The following POMT1 variants were observed in gnomAD, a reference collection of about 807,000 sequenced individuals.
POMT1 encodes the protein protein O-mannosyl-transferase 1.
POMT1 carries 85 observed loss-of-function variants against 101.6 expected under a neutral mutation model. The ratio of observed to expected loss-of-function variants is 0.84; its 90% CI spans 0.70 to 1.00. The LOEUF (loss-of-function observed/expected upper bound fraction) is 1.00. Ranked by LOEUF, POMT1 falls within the 50% of genes least tolerant of loss-of-function variation. POMT1 has a pLI of 0.00. For synonymous variants in POMT1, 371 were observed against 383.0 expected, an observed-to-expected ratio of 0.97 and a Z score of 0.37; for missense variants, 857 against 930.4, an observed-to-expected ratio of 0.92 and a Z score of 1.03.
At position 131,504,247 on chromosome 9, in the gene POMT1, T is replaced by G; in HGVS notation, c.29T>G (p.Val10Gly). 6.2e-7 allele frequency: 1 copy of G among 1,614,106 alleles called. No homozygotes were observed. Among genetic ancestry groups the G allele is most frequent in the Non-Finnish European group, 8.5e-7 (1 of 1,180,010 alleles). The stretch of plus-strand genomic sequence containing the variant: ...TGGGGATTTTTGAAGCGCCCTGTAG[T>G]GGTGACGGCTGACATCAACTTGAGC... MWGFLKRPV[V>G]VTADINLSLV... The change falls in exon 2 of 20, where the codon GTG (valine) becomes GGG (glycine). Residue 10 changes from valine (V) to glycine (G), a missense_variant. Val to Gly is a moderately radical substitution (Grantham distance 109). Coordinates refer to ENST00000402686, the MANE Select transcript of POMT1 (RefSeq NM_001077365.2).
chr9:131,520,426 C>T lies in POMT1; in HGVS notation c.1698+233C>T, dbSNP rs62580581. Reference sequence around the variant, plus strand: ...CCCGGCTTGATTGCTTTTGTGGAGACACATTGTTCCCCTTTTCCTGGCGAA... The same window carrying T: ...CCCGGCTTGATTGCTTTTGTGGAGATACATTGTTCCCCTTTTCCTGGCGAA... On this transcript the variant is annotated intron_variant, in intron 17 of 19. Transcript: ENST00000402686. Among the ~76,000 whole-genome samples, 17,093 of 152,208 alleles carry T rather than the reference C, an allele frequency of 0.11. 1,187 individuals carry two copies. The highest frequency in any genetic ancestry group is 0.15 in the Non-Finnish European group (9,998 of 68,004).
rs916675724 is a variant in POMT1 at position 131,519,824 on chromosome 9, C to G, written c.1585-256C>G. Among the ~76,000 whole-genome samples, 2 of 152,146 alleles carry G rather than the reference C, an allele frequency of 1.3e-5. No homozygotes were observed. Among genetic ancestry groups the G allele is most frequent in the Non-Finnish European group, 2.9e-5 (2 of 68,038 alleles). ...CTCACGGTCACAAATCTGAACGTGA[C>G]CTTAGAGAGCATTCAGCCCAATCAC... On this transcript the variant is annotated intron_variant, in intron 16 of 19. Transcript: ENST00000402686. The surrounding 1 kb of genome is among the most constrained non-coding windows in gnomAD (Gnocchi z 4.3).
rs147799695 is a variant in POMT1 at position 131,506,554 on chromosome 9, A to G, written c.280+101A>G. The stretch of plus-strand genomic sequence containing the variant: ...CAACTGTGGCTTTTTTTTTCCTTTC[A>G]TACCTAGTCCCACAGAAACTGTGCC... On this transcript the variant is annotated intron_variant, in intron 4 of 19. Transcript: ENST00000402686. 5 of 1,099,046 alleles carry G rather than the reference A, an allele frequency of 4.5e-6. No homozygotes were observed. In the East Asian group the frequency reaches 9.4e-5, roughly 21 times the overall value. 68.1% of individuals were successfully genotyped at this position (1,099,046 alleles called of 1,614,324 possible).
intron 12 of POMT1, among the ~76,000 whole-genome samples, chr9:131,513,943 T>TC (rs1381514237): frequency 2.0e-5 from 3 of 152,174 alleles, no homozygotes; most frequent in African/African-American, 7.2e-5. Flanking sequence ...CTCCTGGACT[T>TC]CCACCCGGCT....
rs139273349 is a variant in POMT1, at chr9:131,513,428, CCT to C, written c.1175+98_1175+99del. 0.015 allele frequency: 16,197 copies of C among 1,099,078 alleles called. 245 individuals carry two copies. The highest frequency in any genetic ancestry group is 0.042 in the Admixed American group (2,120 of 50,486). 68.1% of individuals were successfully genotyped at this position (1,099,078 alleles called of 1,614,324 possible). A position where few individuals can be genotyped will look rare whatever the true frequency, so the allele number is the denominator to read the frequency against. On this transcript the variant is annotated intron_variant, in intron 12 of 19. Transcript: ENST00000402686. The stretch of plus-strand genomic sequence containing the variant: ...TGAGCCCTGCCTTGGGCCGCTGCCC[CCT>C]GTCTACCCATCATCTGCATGTGTAG...
rs149290696 is a variant in POMT1 at position 131,507,894 on chromosome 9, G to C, written c.427+380G>C. 4.9e-4 allele frequency among the ~76,000 whole-genome samples: 75 copies of C among 152,260 alleles called. 1 individual carries two copies. The East Asian group carries it at 0.011, about 23-fold the overall frequency. ...AGTCAGTGGATCCTCTTCAGAGAGG[G>C]TCTTCCAGCTCACGTTTATGAACAG... On this transcript the variant is annotated intron_variant, in intron 5 of 19. Transcript: ENST00000402686.
At chr9:131,515,011 C>T (rs1160005732) in intron 12 of POMT1, among the ~76,000 whole-genome samples, 1 of 152,228 alleles carries the variant, frequency 6.6e-6, no homozygotes, top group Non-Finnish European at 1.5e-5. Context: ...CCTTTTCTCC[C>T]AGCTTATCTG....
chr9:131,519,564 G>A lies in POMT1; in HGVS notation c.1584+78G>A, dbSNP rs992659324. The stretch of plus-strand genomic sequence containing the variant: ...GCAGGGAGGCCTGGGGGCTGCACAG[G>A]ACTCAAACCAGAGTCAGGCTTTGAC... On this transcript the variant is annotated intron_variant, in intron 16 of 19. Coordinates refer to ENST00000402686, the MANE Select transcript of POMT1 (RefSeq NM_001077365.2). The surrounding 1 kb of genome is among the most constrained non-coding windows in gnomAD (Gnocchi z 4.3). The A allele has an allele frequency of 1.5e-6, 2 of 1,377,738 alleles. No individual in the cohort carries two copies. Among genetic ancestry groups the A allele is most frequent in the Non-Finnish European group, 2.0e-6 (2 of 1,000,958 alleles). 85.3% of individuals were successfully genotyped at this position (1,377,738 alleles called of 1,614,324 possible). A position where few individuals can be genotyped will look rare whatever the true frequency, so the allele number is the denominator to read the frequency against.
chr9:131,504,378 A>G (rs753166421), intron 2 of POMT1, 38 bp downstream of exon 2: 9 of 1,613,960 alleles, frequency 5.6e-6, no homozygotes, highest in Non-Finnish European at 6.8e-6. Context: ...TGAATCTAGA[A>G]TTGTACTTTG....
Position 131,518,826 on chromosome 9 carries a change from G to A in POMT1, c.1366-11G>A, listed in dbSNP as rs1157478556. On this transcript the variant is annotated splice_polypyrimidine_tract_variant and intron_variant, in intron 14 of 19. Coordinates refer to ENST00000402686, the MANE Select transcript of POMT1 (RefSeq NM_001077365.2). ...CCCATCACGCCCTTTACTCTCCTGCGGTGTCACCAGCTGAGCGGGGCTCAC... is the reference window on the plus strand; with the variant it reads ...CCCATCACGCCCTTTACTCTCCTGCAGTGTCACCAGCTGAGCGGGGCTCAC... The A allele has an allele frequency of 3.7e-6, 6 of 1,613,802 alleles. No homozygotes were observed. In the African/African-American group the frequency reaches 6.7e-5, roughly 18 times the overall value.
chr9:131,518,473 A>G lies in POMT1; in HGVS notation c.1301A>G (p.Asp434Gly). 2 of 1,613,892 alleles carry G rather than the reference A, an allele frequency of 1.2e-6. No homozygotes were observed. Among genetic ancestry groups the G allele is most frequent in the East Asian group, 2.2e-5 (1 of 44,890 alleles). ...ATTGTGAACAGAGGATCTGACACAG[A>G]CGTCTGGAAGACCATCCTCTCAGAG... ...LEIVNRGSDT[D>G]VWKTILSEVR... The change falls in exon 14 of 20, where the codon GAC becomes GGC. Residue 434 changes from aspartate to glycine, a missense_variant. Physicochemically the swap from Asp to Gly is moderately conservative, Grantham distance 94 (BLOSUM62 -1). Transcript: ENST00000402686.
At chr9:131,504,365 G>A (rs753411539) in intron 2 of POMT1, 25 bp downstream of exon 2, 1 of 1,614,140 alleles carries the variant, frequency 6.2e-7, no homozygotes, top group South Asian at 1.1e-5. Context: ...TCCATTCCCA[G>A]GGTGAATCTA....
chr9:131,511,958 A>C (rs1947209088), intron 10 of POMT1, 83 bp from the exon 11 acceptor site: 1 of 1,451,152 alleles, frequency 6.9e-7, no homozygotes, highest in African/African-American at 1.4e-5. Context: ...CAGTTATCCT[A>C]CCTCAGCCTC....
intron 13 of POMT1, among the ~76,000 whole-genome samples, chr9:131,516,175 GCACTTCCTCTAACACAGGA>G (rs1948515416): frequency 9.3e-6 from 1 of 107,632 alleles, no homozygotes; most frequent in Non-Finnish European, 1.8e-5. Flanking sequence ...CTCACACGGA[GCACTTCCTCTAACACAGGA>G]CACTTCCTCA....
In POMT1 at chr9:131,519,933, A is replaced by C; in HGVS notation, c.1585-147A>C. On this transcript the variant is annotated intron_variant, in intron 16 of 19. Transcript: ENST00000402686. This position sits in a 1 kb window ranked among gnomAD's most constrained non-coding sequence, Gnocchi z 4.3. ...ATTCAGGGCTGGAATCCAGGTTCTC[A>C]TCATGCTGCCTCCGATGCATGATCC... 1.4e-6 allele frequency: 1 copy of C among 709,894 alleles called. No individual in the cohort carries two copies. Among genetic ancestry groups the C allele is most frequent in the East Asian group, 2.7e-5 (1 of 37,068 alleles). The allele number at this position is 709,894 out of a possible 1,614,324, so 44.0% of individuals were successfully genotyped here.
Position 131,509,986 on chromosome 9 carries a change from C to T in POMT1, c.689C>T (p.Thr230Ile). 1.9e-6 allele frequency: 3 copies of T among 1,614,224 alleles called. No homozygotes were observed. Among genetic ancestry groups the T allele is most frequent in the Non-Finnish European group, 1.7e-6 (2 of 1,180,038 alleles). The stretch of plus-strand genomic sequence containing the variant: ...GCCTGGCACCTGCTTGGAGACCAGA[C>T]TTTGTCCAATGTAGGTGCTGATGTC... ...VHAWHLLGDQ[T>I]LSNVCVFCHL... is the part of the protein sequence containing the mutation. The change falls in exon 8 of 20, where the codon ACT becomes ATT. Residue 230 changes from threonine (T) to isoleucine (I), a missense_variant. Coordinates refer to ENST00000402686, the MANE Select transcript of POMT1 (RefSeq NM_001077365.2).
intron 4 of POMT1, among the ~76,000 whole-genome samples, chr9:131,506,936 G>A (rs1564334522): frequency 1.3e-5 from 2 of 151,892 alleles, no homozygotes; most frequent in South Asian, 2.1e-4. Context: ...GCGTGGTGGC[G>A]GGCGCCTGTA....
chr9:131,506,926 G>A (rs1050418636), intron 4 of POMT1, among the ~76,000 whole-genome samples: 2 of 152,054 alleles, frequency 1.3e-5, no homozygotes, highest in African/African-American at 2.4e-5. Flanking sequence ...AATTAGCCGG[G>A]CGTGGTGGCG....
At chr9:131,514,627 A>T (rs1223231280) in intron 12 of POMT1, among the ~76,000 whole-genome samples, 1 of 152,220 alleles carries the variant, frequency 6.6e-6, no homozygotes, top group East Asian at 1.9e-4. Context: ...ATGGTGCGGT[A>T]CCACATGGTT....
Sources: gnomAD v4.1 joint callset for allele counts (sites outside exome capture counted in the v4.1 genomes callset) on GRCh38, gnomAD v4.1.1 for gene constraint, Gnocchi (gnomAD v3.1) non-coding constraint, MANE v1.5 for transcripts, NCBI Gene and HGNC (gene_info 2026-07-23, HGNC 2026-07-21) for gene names.